RARB: variants seen among roughly 807,000 people sequenced by gnomAD.
RARB encodes HBV-activated protein.
Under a neutral mutation model 51.9 loss-of-function variants are expected in RARB, and 17 were observed. The ratio of observed to expected loss-of-function variants is 0.33; its 90% CI spans 0.22 to 0.49. The LOEUF is 0.49. RARB is among the 20% of genes least tolerant of loss of function. The pLI, the probability that RARB is intolerant of heterozygous loss-of-function variation, is 0.99. For missense variants in RARB, 369 were observed against 550.8 expected (o/e 0.67, Z 3.30); for synonymous variants, 215 against 195.4 (o/e 1.10, Z -0.84).
intron 3 of RARB, among the ~76,000 whole-genome samples, chr3:25,121,464 C>T (rs1388459257): frequency 6.6e-6 from 1 of 151,942 alleles, no homozygotes; most frequent in Admixed American, 6.6e-5. Context: ...TATAAACAAC[C>T]CAGTAAAGAT....
intron 5 of RARB, among the ~76,000 whole-genome samples, chr3:25,181,180 C>G (rs941379049): frequency 6.6e-6 from 1 of 152,162 alleles, no homozygotes; most frequent in Admixed American, 6.5e-5. Flanking sequence ...ACTGAGAAGT[C>G]ATAATCACTG....
At chr3:25,257,130 C>G (rs752967592) in intron 5 of RARB, among the ~76,000 whole-genome samples, 2 of 152,114 alleles carry the variant, frequency 1.3e-5, no homozygotes, top group Non-Finnish European at 2.9e-5. Flanking sequence ...ACCAGCAACA[C>G]ATATGATGGT....
At chr3:24,895,571 T>G (rs1378395197) in intron 2 of RARB, among the ~76,000 whole-genome samples, 1 of 152,054 alleles carries the variant, frequency 6.6e-6, no homozygotes, top group African/African-American at 2.4e-5. Flanking sequence ...TTTTTTTCTT[T>G]CTATATGCTA....
At chr3:25,139,033 A>T (rs922751398) in intron 4 of RARB, among the ~76,000 whole-genome samples, 4 of 152,152 alleles carry the variant, frequency 2.6e-5, no homozygotes, top group African/African-American at 9.7e-5. Context: ...TGAGGGCACA[A>T]AGAACCATGC....
intron 4 of RARB, among the ~76,000 whole-genome samples, chr3:25,134,297 T>G (rs190104753): frequency 6.6e-6 from 1 of 152,098 alleles, no homozygotes; most frequent in East Asian, 1.9e-4. Flanking sequence ...TCAGAAGTTC[T>G]TAAATGGCAC....
intron 3 of RARB, among the ~76,000 whole-genome samples, chr3:25,074,599 C>CT (rs576056803): frequency 4.6e-4 from 70 of 152,206 alleles, no homozygotes; most frequent in Middle Eastern, 3.4e-3. Flanking sequence ...ATATCTGTAG[C>CT]TTTTTTTAAT....
chr3:24,928,654 C>T (rs895464401), intron 2 of RARB, among the ~76,000 whole-genome samples: 18 of 151,964 alleles, frequency 1.2e-4, no homozygotes, highest in African/African-American at 3.9e-4. Context: ...TCTGCTTATG[C>T]TTTTCAAGGT....
intron 5 of RARB, among the ~76,000 whole-genome samples, chr3:25,216,322 T>C (rs1701830951): frequency 6.6e-6 from 1 of 152,190 alleles, no homozygotes; most frequent in South Asian, 2.1e-4. Flanking sequence ...AAACACTAAA[T>C]GTTGCCTGCT....
At chr3:25,287,093 C>T (rs1162683031) in intron 5 of RARB, among the ~76,000 whole-genome samples, 1 of 152,198 alleles carries the variant, frequency 6.6e-6, no homozygotes, top group African/African-American at 2.4e-5. Context: ...GTCATTTATA[C>T]ACCACATAAA....
At chr3:25,591,717 C>T (rs1054351709) in intron 5 of RARB, among the ~76,000 whole-genome samples, 6 of 152,164 alleles carry the variant, frequency 3.9e-5, no homozygotes, top group Non-Finnish European at 7.3e-5. Context: ...AGGGCTTACT[C>T]ATTCAGTTTT....
At chr3:25,000,840 T>C (rs1697144142) in intron 2 of RARB, among the ~76,000 whole-genome samples, 2 of 152,264 alleles carry the variant, frequency 1.3e-5, no homozygotes, top group African/African-American at 4.8e-5. Context: ...GTGCTATAGA[T>C]TTTTATATGT....
At chr3:25,128,647 A>G (rs761891903) in intron 3 of RARB, among the ~76,000 whole-genome samples, 16 of 151,908 alleles carry the variant, frequency 1.1e-4, no homozygotes, top group Non-Finnish European at 2.1e-4. Flanking sequence ...GTTAGGGCAC[A>G]TTATTTTATA....
chr3:25,483,056 C>T (rs1696308586), intron 2 of RARB, among the ~76,000 whole-genome samples: 1 of 152,202 alleles, frequency 6.6e-6, no homozygotes, highest in South Asian at 2.1e-4. Context: ...TCAATAGCTA[C>T]ATGTGGCTAG....
At chr3:25,339,377 G>A (rs78497376) in intron 5 of RARB, among the ~76,000 whole-genome samples, 4 of 152,160 alleles carry the variant, frequency 2.6e-5, no homozygotes, top group African/African-American at 4.8e-5. Flanking sequence ...CCATGTTCAA[G>A]TAGGGCAAAC....
intron 2 of RARB, among the ~76,000 whole-genome samples, chr3:25,059,892 A>T (rs1374491647): frequency 3.3e-5 from 5 of 151,846 alleles, no homozygotes; most frequent in Admixed American, 2.6e-4. Flanking sequence ...TTCTCTTGAA[A>T]GAGTTTACAT....
intron 2 of RARB, among the ~76,000 whole-genome samples, chr3:25,019,176 G>A (rs1416970414): frequency 6.6e-6 from 1 of 152,128 alleles, no homozygotes; most frequent in African/African-American, 2.4e-5. Context: ...TCTGAGCTAT[G>A]CTAGGGAGAA....
chr3:24,915,579 T>A (rs1305480180), intron 2 of RARB, among the ~76,000 whole-genome samples: 2 of 152,188 alleles, frequency 1.3e-5, no homozygotes, highest in African/African-American at 4.8e-5. Flanking sequence ...GAACTAGAGA[T>A]ATATGCCCAA....
At chr3:25,088,648 C>T (rs1462783219) in intron 3 of RARB, among the ~76,000 whole-genome samples, 1 of 152,084 alleles carries the variant, frequency 6.6e-6, no homozygotes, top group African/African-American at 2.4e-5. Flanking sequence ...CTCAAGATGG[C>T]TTATCAAAAG....
intron 3 of RARB, among the ~76,000 whole-genome samples, chr3:25,557,338 C>T (rs1700103564): frequency 6.6e-6 from 1 of 152,096 alleles, no homozygotes; most frequent in Non-Finnish European, 1.5e-5. Context: ...GAAACAAAAC[C>T]CGGAGGGACT....
Sources: allele counts gnomAD v4.1 joint callset (sites outside exome capture counted in the v4.1 genomes callset), GRCh38; gene constraint gnomAD v4.1.1; transcripts MANE v1.5; gene names NCBI Gene and HGNC (gene_info 2026-07-23, HGNC 2026-07-21).